The following ERBB4 variants were observed in gnomAD, a reference collection of about 807,000 sequenced individuals.
The protein encoded by ERBB4 is receptor tyrosine-protein kinase erbB-4.
In ERBB4, 42 loss-of-function variants were observed where a neutral mutation model predicts 158.0. That is an observed-to-expected ratio of 0.27 (90% CI 0.21 to 0.34). ERBB4 has a LOEUF of 0.34. ERBB4 is among the 10% of genes least tolerant of loss of function. The pLI, the probability that ERBB4 is intolerant of heterozygous loss-of-function variation, is 1.00. For synonymous variants in ERBB4, 583 were observed against 558.7 expected, an observed-to-expected ratio of 1.04 and a Z score of -0.61; for missense variants, 1,333 against 1,624.1, an observed-to-expected ratio of 0.82 and a Z score of 3.08.
chr2:212,350,783 A>G (rs1015766235), intron 1 of ERBB4, among the ~76,000 whole-genome samples: 5 of 141,096 alleles, frequency 3.5e-5, no homozygotes, highest in Non-Finnish European at 7.8e-5. Context: ...ATAAGGTGAC[A>G]AATTCAAAAT....
chr2:212,097,554 T>A lies in ERBB4; in HGVS notation c.234+27198A>T, dbSNP rs573732525. Among the ~76,000 whole-genome samples, 6 of 152,232 alleles carry A rather than the reference T, an allele frequency of 3.9e-5. No homozygotes were observed. In the South Asian group the frequency reaches 1.2e-3, roughly 32 times the overall value. ...TTTAAGAGATAGATTTGGGCAGGGA[T>A]GAATTATACAGAAAGGAGATGCATT... On this transcript the variant is annotated intron_variant, in intron 2 of 27. Coordinates refer to ENST00000342788, the MANE Select transcript of ERBB4 (RefSeq NM_005235.3).
At chr2:212,213,254 A>G (rs1245789802) in intron 1 of ERBB4, among the ~76,000 whole-genome samples, 8 of 152,048 alleles carry the variant, frequency 5.3e-5, no homozygotes, top group Non-Finnish European at 1.2e-4. Flanking sequence ...TGGGAAAGGG[A>G]TATGAACAGA....
At chr2:211,810,817 C>T (rs544709025) in intron 3 of ERBB4, among the ~76,000 whole-genome samples, 17 of 151,956 alleles carry the variant, frequency 1.1e-4, no homozygotes, top group East Asian at 3.9e-4. Context: ...GGACTACAGG[C>T]GCCCGCCACC....
intron 1 of ERBB4, among the ~76,000 whole-genome samples, chr2:212,254,565 T>C (rs1243614414): frequency 1.3e-5 from 2 of 152,150 alleles, no homozygotes; most frequent in Non-Finnish European, 2.9e-5. Flanking sequence ...AGGGCAGTAA[T>C]ATCCAGGCAG....
chr2:211,950,136 G>A (rs1282697344), intron 2 of ERBB4, among the ~76,000 whole-genome samples: 3 of 152,066 alleles, frequency 2.0e-5, no homozygotes, highest in East Asian at 3.9e-4. Flanking sequence ...TGTGATCCCA[G>A]AATTCCCTTT....
At chr2:212,280,805 T>C (rs746952084) in intron 1 of ERBB4, among the ~76,000 whole-genome samples, 2 of 151,634 alleles carry the variant, frequency 1.3e-5, no homozygotes, top group Non-Finnish European at 3.0e-5. Context: ...ACTAAAGTCA[T>C]AGAAACTGTT....
chr2:212,045,925 A>G (rs2077250664), intron 2 of ERBB4, among the ~76,000 whole-genome samples: 1 of 152,232 alleles, frequency 6.6e-6, no homozygotes, highest in African/African-American at 2.4e-5. Flanking sequence ...GCACAAGGAC[A>G]GAGATGTCAA....
chr2:212,230,412 T>C (rs188465298), intron 1 of ERBB4, among the ~76,000 whole-genome samples: 9 of 152,358 alleles, frequency 5.9e-5, no homozygotes, highest in African/African-American at 9.6e-5. Context: ...GATTTTGTAT[T>C]GTAACAGATT....
At chr2:211,562,652 T>C (rs982552432) in intron 19 of ERBB4, among the ~76,000 whole-genome samples, 1 of 152,160 alleles carries the variant, frequency 6.6e-6, no homozygotes, top group African/African-American at 2.4e-5. Context: ...ATAAGATATT[T>C]TGTTTCATAA....
At chr2:212,376,157 G>A (rs1273647841) in intron 1 of ERBB4, among the ~76,000 whole-genome samples, 1 of 152,068 alleles carries the variant, frequency 6.6e-6, no homozygotes, top group African/African-American at 2.4e-5. Context: ...CACTCGATGG[G>A]TGCCAAAACC....
At chr2:212,150,749 A>G (rs917552930) in intron 1 of ERBB4, among the ~76,000 whole-genome samples, 4 of 152,200 alleles carry the variant, frequency 2.6e-5, no homozygotes, top group Admixed American at 2.0e-4. Context: ...ACTCTCATTT[A>G]TAAGAACTGC....
chr2:211,708,163 CAT>C (rs1162225726), intron 9 of ERBB4, among the ~76,000 whole-genome samples: 1 of 151,970 alleles, frequency 6.6e-6, no homozygotes, highest in Non-Finnish European at 1.5e-5. Flanking sequence ...ACATATATAA[CAT>C]GTCTAATTCT....
chr2:212,406,477 A>G (rs1425031252), intron 1 of ERBB4, among the ~76,000 whole-genome samples: 1 of 152,200 alleles, frequency 6.6e-6, no homozygotes, highest in African/African-American at 2.4e-5. Context: ...GCCATATTAG[A>G]GGCAAAATTA....
At chr2:211,737,468 A>T (rs753437622) in intron 5 of ERBB4, among the ~76,000 whole-genome samples, 2 of 152,218 alleles carry the variant, frequency 1.3e-5, no homozygotes, top group Non-Finnish European at 2.9e-5. Flanking sequence ...GAATGAGATA[A>T]TACATGTGAA....
chr2:211,816,902 G>A (rs939193003), intron 3 of ERBB4, among the ~76,000 whole-genome samples: 12 of 152,152 alleles, frequency 7.9e-5, no homozygotes, highest in African/African-American at 2.9e-4. Context: ...CATAGGTACT[G>A]TTTTCTAGAT....
At chr2:211,848,061 G>T (rs558247202) in intron 3 of ERBB4, among the ~76,000 whole-genome samples, 2 of 152,196 alleles carry the variant, frequency 1.3e-5, no homozygotes, top group East Asian at 3.9e-4. Context: ...TAATTCTCCA[G>T]ACTAATTCTG....
At chr2:211,516,253 G>A (rs928489838) in intron 20 of ERBB4, among the ~76,000 whole-genome samples, 1 of 151,566 alleles carries the variant, frequency 6.6e-6, no homozygotes, top group African/African-American at 2.4e-5. Context: ...AGCCATATCT[G>A]TAGGTAACAC....
chr2:211,602,882 A>G (rs533653257), intron 19 of ERBB4, among the ~76,000 whole-genome samples: 2 of 152,262 alleles, frequency 1.3e-5, no homozygotes, highest in African/African-American at 4.8e-5. Context: ...AGCTGGGCCA[A>G]TGACCTAGAT....
chr2:211,998,028 C>T (rs1420862456), intron 2 of ERBB4, among the ~76,000 whole-genome samples: 1 of 150,918 alleles, frequency 6.6e-6, no homozygotes, highest in Non-Finnish European at 1.5e-5. Flanking sequence ...CACAACAGGC[C>T]CTGGTGTGTG....
Sources: gnomAD v4.1 joint callset for allele counts (sites outside exome capture counted in the v4.1 genomes callset) on GRCh38, gnomAD v4.1.1 for gene constraint, MANE v1.5 for transcripts, NCBI Gene and HGNC (gene_info 2026-07-23, HGNC 2026-07-21) for gene names.